The following HSD17B7 variants were observed in gnomAD, a reference collection of about 807,000 sequenced individuals.
HSD17B7 encodes the protein 3-keto-steroid reductase/17-beta-hydroxysteroid dehydrogenase 7.
A neutral mutation model predicts 34.1 loss-of-function variants in HSD17B7; 17 were observed. The observed-to-expected ratio is 0.50, with a 90% CI of 0.34 to 0.75. The LOEUF (loss-of-function observed/expected upper bound fraction) is 0.75. Among genes scored for constraint, HSD17B7 ranks in the 30% least tolerant of loss-of-function variants. The probability of loss-of-function intolerance (pLI) is 0.01; values close to 1 mark genes in which losing one functional copy is unlikely to be tolerated. For synonymous variants in HSD17B7, 122 were observed against 154.6 expected (o/e 0.79, Z 1.56); for missense variants, 296 against 406.6 (o/e 0.73, Z 2.34).
At position 162,790,710 on chromosome 1, in the gene HSD17B7, A is replaced by G; in HGVS notation, c.-91A>G. ...GGAGGCGGGGCGTGGCCGTACTCTG[A>G]TTGGTGACGGGTGAGGCGGCCCGAA... On this transcript the variant is annotated 5_prime_UTR_variant, in exon 1 of 9. Transcript: ENST00000254521. 2.4e-6 allele frequency: 2 copies of G among 829,788 alleles called. No individual in the cohort carries two copies. Among genetic ancestry groups the G allele is most frequent in the Admixed American group, 4.0e-5 (2 of 49,650 alleles). 51.4% of individuals were successfully genotyped at this position (829,788 alleles called of 1,614,324 possible).
intron 4 of HSD17B7, chr1:162,798,777 C>T (rs1289983777): frequency 1.2e-5 from 2 of 161,232 alleles, no homozygotes; most frequent in Non-Finnish European, 2.8e-5. Context: ...GGGCAGATTA[C>T]CTGAGGTCGG....
At position 162,812,433 on chromosome 1, in the gene HSD17B7, G is replaced by C. The variant is rs1649197453; in HGVS notation, c.*13G>C. On this transcript the variant is annotated 3_prime_UTR_variant, in exon 9 of 9. Transcript: ENST00000254521. ...CTCATGCCTATAATTCCAGCACTTT[G>C]GGAGGCCAAGGCAGAAGGATCACTT... 6.4e-7 allele frequency: 1 copy of C among 1,569,822 alleles called. No homozygotes were observed.
intron 8 of HSD17B7, among the ~76,000 whole-genome samples, chr1:162,811,712 A>G (rs2261528): frequency 1.3e-5 from 2 of 152,266 alleles, no homozygotes; most frequent in African/African-American, 4.8e-5. Context: ...TCTTTAGGGC[A>G]TGGCCCTCAG....
chr1:162,802,206 G>T (rs1004182475), intron 5 of HSD17B7, among the ~76,000 whole-genome samples: 3 of 152,116 alleles, frequency 2.0e-5, no homozygotes, highest in Non-Finnish European at 4.4e-5. Flanking sequence ...ATACAGTCTT[G>T]GTTAAGATTG....
At chr1:162,801,640 A>G (rs1313668388) in intron 5 of HSD17B7, among the ~76,000 whole-genome samples, 4 of 151,944 alleles carry the variant, frequency 2.6e-5, no homozygotes, top group African/African-American at 9.7e-5. Flanking sequence ...TTGTGAATGT[A>G]CTTTTTGGGT....
intron 2 of HSD17B7, among the ~76,000 whole-genome samples, chr1:162,794,228 A>G (rs544585420): frequency 6.6e-6 from 1 of 152,372 alleles, no homozygotes; most frequent in African/African-American, 2.4e-5. Context: ...CTTGGACAGT[A>G]GAATGAAATG....
intron 2 of HSD17B7, chr1:162,795,730 T>G (rs1474472939): frequency 2.3e-6 from 1 of 435,686 alleles, no homozygotes; most frequent in Non-Finnish European, 4.6e-6. Flanking sequence ...TCAGAGACAG[T>G]TTGGTACATA....
chr1:162,810,783 T>C (rs1400852014), intron 8 of HSD17B7, among the ~76,000 whole-genome samples: 1 of 152,206 alleles, frequency 6.6e-6, no homozygotes, highest in Non-Finnish European at 1.5e-5. Flanking sequence ...CTGCCTTTTT[T>C]TGTTTTCCAT....
intron 6 of HSD17B7, 116 bp from the exon 7 acceptor site, chr1:162,804,151 C>A (rs1482167817): frequency 6.4e-6 from 4 of 626,812 alleles, no homozygotes; most frequent in Non-Finnish European, 1.1e-5. Context: ...TTTTTTGTTA[C>A]TTAAAAAGTG....
intron 5 of HSD17B7, among the ~76,000 whole-genome samples, chr1:162,801,110 G>T (rs898364362): frequency 6.6e-6 from 1 of 152,092 alleles, no homozygotes; most frequent in Non-Finnish European, 1.5e-5. Context: ...TTCTCAAGTA[G>T]CTGGGATTAC....
At chr1:162,799,158 C>G (rs528535497) in intron 4 of HSD17B7, among the ~76,000 whole-genome samples, 6 of 151,862 alleles carry the variant, frequency 4.0e-5, no homozygotes, top group Non-Finnish European at 8.8e-5. Context: ...TTAATTCAGT[C>G]GTTTATTATA....
rs563277999 is a variant in HSD17B7 at position 162,807,964 on chromosome 1, T to G, written c.903+2472T>G. On this transcript the variant is annotated intron_variant, in intron 8 of 8. Transcript: ENST00000254521. ...TTTCTCTTGCTTTGCAGAAGCTCTT[T>G]AGTTTAATTAGATCCCATTTGTCAA... is the stretch of plus-strand genomic sequence containing the variant. Among the ~76,000 whole-genome samples the G allele has an allele frequency of 2.5e-3, 377 of 152,280 alleles. 3 individuals carry two copies. Among genetic ancestry groups the G allele is most frequent in the African/African-American group, 8.7e-3 (361 of 41,546 alleles).
intron 5 of HSD17B7, chr1:162,800,307 C>T (rs774976127): frequency 1.9e-5 from 9 of 461,812 alleles, no homozygotes; most frequent in African/African-American, 7.9e-5. Flanking sequence ...CACTAAATCT[C>T]GGAGAACTTA....
intron 8 of HSD17B7, among the ~76,000 whole-genome samples, chr1:162,810,199 C>T (rs1472774757): frequency 3.9e-5 from 6 of 152,182 alleles, no homozygotes; most frequent in East Asian, 1.9e-4. Flanking sequence ...GCCCTCATTT[C>T]GTTATGTACC....
At position 162,812,350 on chromosome 1, in the gene HSD17B7, T is replaced by G; in HGVS notation, c.956T>G (p.Leu319Arg). Residue 319 changes from leucine to arginine, a missense_variant, in exon 9 of 9, where the codon CTG becomes CGG. Physicochemically the swap from Leu to Arg is moderately radical, Grantham distance 102. Coordinates refer to ENST00000254521, the MANE Select transcript of HSD17B7 (RefSeq NM_016371.4). Reference protein sequence around the residue: ...AEKFYQKLLELEKHIRVTIQK... With the variant: ...AEKFYQKLLEREKHIRVTIQK... ...AAATTTTATCAAAAGTTACTGGAAC[T>G]GGAAAAGCACATTAGGGTCACTATT... The G allele has an allele frequency of 1.2e-6, 2 of 1,612,526 alleles. No individual in the cohort carries two copies. The highest frequency in any genetic ancestry group is 8.5e-7 in the Non-Finnish European group (1 of 1,179,198).
rs777832314 is a variant in HSD17B7 at position 162,804,299 on chromosome 1, A to G, written c.780A>G (p.Thr260=). ...TTTTTGCAAATGCATTCACTTTGAC[A>G]CCATATAATGGAACAGAAGCTCTGG... is the stretch of plus-strand genomic sequence containing the variant. The part of the protein sequence containing the change: ...LRFFANAFTL[T]PYNGTEALVW... Residue 260 remains threonine (T), a synonymous_variant, in exon 7 of 9, where the codon ACA becomes ACG. Coordinates refer to ENST00000254521, the MANE Select transcript of HSD17B7 (RefSeq NM_016371.4). The G allele has an allele frequency of 6.2e-7, 1 of 1,607,976 alleles. No homozygotes were observed. The highest frequency in any genetic ancestry group is 8.5e-7 in the Non-Finnish European group (1 of 1,177,052).
chr1:162,797,239 T>C (rs1420665774), intron 3 of HSD17B7: 1 of 158,750 alleles, frequency 6.3e-6, no homozygotes, highest in Non-Finnish European at 1.4e-5. Flanking sequence ...ACTATACCAA[T>C]GCTTTTGCTT....
At chr1:162,791,729 C>T (rs1227460387) in intron 1 of HSD17B7, among the ~76,000 whole-genome samples, 1 of 151,462 alleles carries the variant, frequency 6.6e-6, no homozygotes, top group Non-Finnish European at 1.5e-5. Flanking sequence ...TTGATTTTGT[C>T]TGTTTCTTTT....
intron 8 of HSD17B7, among the ~76,000 whole-genome samples, chr1:162,808,044 T>C (rs1649046955): frequency 6.6e-6 from 1 of 152,222 alleles, no homozygotes; most frequent in African/African-American, 2.4e-5. Flanking sequence ...TCCTTGCCCA[T>C]GCCTATGTCC....
Sources: gnomAD v4.1 joint callset for allele counts (sites outside exome capture counted in the v4.1 genomes callset) on GRCh38, gnomAD v4.1.1 for gene constraint, MANE v1.5 for transcripts, NCBI Gene and HGNC (gene_info 2026-07-23, HGNC 2026-07-21) for gene names.